Variants in SERINC5 observed in about 807,000 individuals in gnomAD.
SERINC5 encodes serine incorporator 5, also known as chromosome 5 open reading frame 12.
Under a neutral mutation model 63.1 loss-of-function variants are expected in SERINC5, and 41 were observed. That is an observed-to-expected ratio of 0.65 (90% confidence interval 0.51 to 0.84). The LOEUF is 0.84. SERINC5 is among the 40% of genes least tolerant of loss of function. The pLI is 0.00. For synonymous variants in SERINC5, 222 were observed against 215.2 expected (o/e 1.03, Z -0.28); for missense variants, 523 against 573.0 (o/e 0.91, Z 0.89).
intron 2 of SERINC5, among the ~76,000 whole-genome samples, chr5:80,186,429 C>T (rs930497569): frequency 2.0e-5 from 3 of 152,132 alleles, no homozygotes; most frequent in East Asian, 1.9e-4. Flanking sequence ...TGAGCCACCG[C>T]GCCCGACCTG....
chr5:80,231,429 G>C (rs1580199189), intron 1 of SERINC5, among the ~76,000 whole-genome samples: 1 of 152,046 alleles, frequency 6.6e-6, no homozygotes, highest in Non-Finnish European at 1.5e-5. Context: ...GCCTGTAACA[G>C]CATCTACTGC....
Position 80,243,784 on chromosome 5 carries a change from T to A in SERINC5, c.27+12112A>T, listed in dbSNP as rs192219721. ...ATAAATAAATAAATAAATAAATAAA[T>A]AAAACAAAATAAAATAAGCAAGCAG... On this transcript the variant is annotated intron_variant, in intron 1 of 11. Transcript: ENST00000507668. 2.4e-3 allele frequency among the ~76,000 whole-genome samples: 358 copies of A among 148,894 alleles called. 4 individuals are homozygous for A. Among genetic ancestry groups the A allele is most frequent in the African/African-American group, 7.9e-3 (323 of 40,820 alleles).
chr5:80,114,654 C>T (rs939892736), intron 11 of SERINC5: 1 of 71,822 alleles, frequency 1.4e-5, no homozygotes, highest in East Asian at 3.7e-4. Flanking sequence ...GACTCCATCT[C>T]AAAAAAAAAA....
chr5:80,212,540 T>C (rs1750479722), intron 1 of SERINC5, among the ~76,000 whole-genome samples: 1 of 152,030 alleles, frequency 6.6e-6, no homozygotes, highest in Non-Finnish European at 1.5e-5. Context: ...GAGAGCAACA[T>C]TCATTGAAAT....
chr5:80,164,570 G>C (rs1561384541), intron 7 of SERINC5, among the ~76,000 whole-genome samples: 1 of 151,740 alleles, frequency 6.6e-6, no homozygotes, highest in Non-Finnish European at 1.5e-5. Context: ...TTTTTGTAGG[G>C]ACAGGGTTTC....
intron 1 of SERINC5, among the ~76,000 whole-genome samples, chr5:80,219,145 G>A (rs1042494390): frequency 6.6e-6 from 1 of 152,148 alleles, no homozygotes; most frequent in Non-Finnish European, 1.5e-5. Flanking sequence ...AGTGCTCAGA[G>A]GCAAGATCAG....
chr5:80,193,673 C>CA (rs35945251), intron 2 of SERINC5, among the ~76,000 whole-genome samples: 1 of 152,028 alleles, frequency 6.6e-6, no homozygotes, highest in African/African-American at 2.4e-5. Flanking sequence ...GGTTCAGGCT[C>CA]AAAAAAAGAC....
intron 1 of SERINC5, 35 bp from the exon 2 acceptor site, chr5:80,203,088 T>A (rs1456629423): frequency 6.5e-7 from 1 of 1,544,622 alleles, no homozygotes; most frequent in African/African-American, 1.4e-5. Context: ...GCTTAGAGCA[T>A]GATACTGTGA....
chr5:80,192,195 T>A (rs930411278), intron 2 of SERINC5, among the ~76,000 whole-genome samples: 11 of 152,196 alleles, frequency 7.2e-5, no homozygotes, highest in African/African-American at 2.7e-4. Context: ...GAAGAATAGA[T>A]GAGGAGTTGT....
Position 80,256,003 on chromosome 5 carries a change from T to C in SERINC5, c.-81A>G. ...CCTGGCTGCCTCGCGCCTCGAGCGC[T>C]GGGCTCAGCCGCAGCTCACACTTGA... On this transcript the variant is annotated 5_prime_UTR_variant, in exon 1 of 12. Transcript: ENST00000507668. 3 of 1,349,550 alleles carry C rather than the reference T, an allele frequency of 2.2e-6. No homozygotes were observed. The highest frequency in any genetic ancestry group is 1.5e-5 in the South Asian group (1 of 67,666). The allele number at this position is 1,349,550 out of a possible 1,614,324, so 83.6% of individuals were successfully genotyped here.
At chr5:80,207,323 A>C (rs1202122406) in intron 1 of SERINC5, among the ~76,000 whole-genome samples, 3 of 152,196 alleles carry the variant, frequency 2.0e-5, no homozygotes, top group Non-Finnish European at 4.4e-5. Context: ...TTCAAGTTCA[A>C]ATGTGATCAA....
At chr5:80,232,512 A>G (rs1580201004) in intron 1 of SERINC5, among the ~76,000 whole-genome samples, 2 of 151,700 alleles carry the variant, frequency 1.3e-5, no homozygotes, top group African/African-American at 4.8e-5. Flanking sequence ...CTGGCCAGGC[A>G]CAGTGGCTCA....
chr5:80,151,465 C>T (rs988187896), intron 8 of SERINC5, among the ~76,000 whole-genome samples: 3 of 152,142 alleles, frequency 2.0e-5, no homozygotes, highest in Admixed American at 6.5e-5. Flanking sequence ...TTCCCTGAGA[C>T]CTAGAAAGGT....
chr5:80,235,836 T>C (rs1751662986), intron 1 of SERINC5, among the ~76,000 whole-genome samples: 1 of 152,172 alleles, frequency 6.6e-6, no homozygotes, highest in Non-Finnish European at 1.5e-5. Context: ...TTTTCCTAAA[T>C]GATCCCTAAC....
chr5:80,224,910 C>T (rs1430721120), intron 1 of SERINC5, among the ~76,000 whole-genome samples: 1 of 147,398 alleles, frequency 6.8e-6, no homozygotes, highest in Non-Finnish European at 1.5e-5. Flanking sequence ...AGGCGTGAGC[C>T]ATCACGCCCA....
downstream of SERINC5, among the ~76,000 whole-genome samples, chr5:80,136,702 GA>G (rs1745191414): frequency 6.6e-6 from 1 of 152,154 alleles, no homozygotes; most frequent in Non-Finnish European, 1.5e-5. Flanking sequence ...AACAACATCT[GA>G]TAAGGGGTTA....
chr5:80,247,608 C>A (rs767661010), intron 1 of SERINC5, among the ~76,000 whole-genome samples: 12 of 152,148 alleles, frequency 7.9e-5, no homozygotes, highest in Non-Finnish European at 1.8e-4. Context: ...AGAGTGCAAC[C>A]TTCACTCTCC....
At chr5:80,236,547 G>A (rs1260248939) in intron 1 of SERINC5, among the ~76,000 whole-genome samples, 1 of 122,066 alleles carries the variant, frequency 8.2e-6, no homozygotes, top group South Asian at 2.7e-4. Flanking sequence ...TTTTTTTCTT[G>A]AGACAGATTC....
intron 1 of SERINC5, among the ~76,000 whole-genome samples, chr5:80,228,068 G>GA (rs535973486): frequency 0.12 from 16,178 of 131,374 alleles, 984 homozygotes; most frequent in Middle Eastern, 0.14. Context: ...CAAATAATAT[G>GA]AAAAAAAAAA....
Sources: allele counts gnomAD v4.1 joint callset (sites outside exome capture counted in the v4.1 genomes callset), GRCh38; gene constraint gnomAD v4.1.1; transcripts MANE v1.5; gene names NCBI Gene and HGNC (gene_info 2026-07-23, HGNC 2026-07-21).